RNF182: variants seen among roughly 807,000 people sequenced by gnomAD.
The protein encoded by RNF182 is ring finger protein 182.
RNF182 carries 15 observed loss-of-function variants against 14.4 expected under a neutral mutation model. That is an observed-to-expected ratio of 1.04 (90% CI 0.70 to 1.60). RNF182 has a LOEUF of 1.60. RNF182 is among the 40% of genes most tolerant of loss of function. The probability of loss-of-function intolerance (pLI) is 0.00; values close to 1 mark genes in which losing one functional copy is unlikely to be tolerated. For missense variants in RNF182, 268 were observed against 294.8 expected (o/e 0.91, Z 0.67); for synonymous variants, 128 against 122.9 (o/e 1.04, Z -0.27).
chr6:13,947,220 G>A (rs1759459427), intron 1 of RNF182, among the ~76,000 whole-genome samples: 1 of 152,104 alleles, frequency 6.6e-6, no homozygotes, highest in Non-Finnish European at 1.5e-5. Flanking sequence ...ATCACTGGTT[G>A]GTTCACAGGA....
intron 1 of RNF182, among the ~76,000 whole-genome samples, chr6:13,942,561 C>G (rs1308106291): frequency 1.3e-5 from 2 of 152,130 alleles, no homozygotes; most frequent in Non-Finnish European, 2.9e-5. Flanking sequence ...AGACTGATCT[C>G]AAACTCCTGT....
chr6:13,954,071 C>G lies in RNF182; in HGVS notation c.-366-20139C>G, dbSNP rs146361517. ...AAGTAGAGAAAATGATATAATGAAT[C>G]CCTTTTTACTTATCACTCAGCCTCA... On this transcript the variant is annotated intron_variant, in intron 1 of 2. Transcript: ENST00000488300. 1.1e-4 allele frequency among the ~76,000 whole-genome samples: 16 copies of G among 152,186 alleles called. No individual in the cohort carries two copies. In the East Asian group the frequency reaches 3.1e-3, roughly 29 times the overall value.
chr6:13,972,776 G>A (rs1004123497), intron 1 of RNF182, among the ~76,000 whole-genome samples: 3 of 152,156 alleles, frequency 2.0e-5, no homozygotes, highest in Non-Finnish European at 2.9e-5. Context: ...ATGCCTGGAC[G>A]TCCAGGCAGA....
chr6:13,939,570 GTCTC>G (rs1759234072), intron 1 of RNF182, among the ~76,000 whole-genome samples: 1 of 151,442 alleles, frequency 6.6e-6, no homozygotes, highest in Admixed American at 6.6e-5. Flanking sequence ...TTGAGACAGA[GTCTC>G]TCTCTGTTGC....
At position 13,974,318 on chromosome 6, in the gene RNF182, T is replaced by G. The variant is rs139763895; in HGVS notation, c.-258T>G. 4.6e-5 allele frequency: 7 copies of G among 152,286 alleles called. No individual in the cohort carries two copies. Among genetic ancestry groups the G allele is most frequent in the African/African-American group, 1.7e-4 (7 of 41,556 alleles). 9.4% of individuals were successfully genotyped at this position (152,286 alleles called of 1,614,324 possible). A position where few individuals can be genotyped will look rare whatever the true frequency, so the allele number is the denominator to read the frequency against. ...CTTAGAGGCAGGACTTGATGAAGGC[T>G]TTCCTGCTGATGGAATAGGTTTGCT... On this transcript the variant is annotated 5_prime_UTR_variant, in exon 2 of 3. Transcript: ENST00000488300.
chr6:13,937,771 T>C (rs1409781494), intron 1 of RNF182, among the ~76,000 whole-genome samples: 309 of 152,350 alleles, frequency 2.0e-3, no homozygotes, highest in African/African-American at 7.2e-3. Context: ...ATCGGCGACA[T>C]TCTCAACATC....
At chr6:13,937,247 T>C (rs1759135602) in intron 1 of RNF182, among the ~76,000 whole-genome samples, 1 of 152,230 alleles carries the variant, frequency 6.6e-6, no homozygotes, top group Admixed American at 6.5e-5. Flanking sequence ...CAAGTGAGTC[T>C]CCTGTGTAAC....
At chr6:13,931,854 G>T (rs997590949) in intron 1 of RNF182, among the ~76,000 whole-genome samples, 1 of 152,154 alleles carries the variant, frequency 6.6e-6, no homozygotes, top group African/African-American at 2.4e-5. Context: ...ATGGTATTAG[G>T]AGGTAGGGCC....
chr6:13,956,473 T>G (rs1295960589), intron 1 of RNF182, among the ~76,000 whole-genome samples: 1 of 151,976 alleles, frequency 6.6e-6, no homozygotes, highest in African/African-American at 2.4e-5. Context: ...TACAGATGCA[T>G]GCCACCACAC....
At chr6:13,940,716 T>C (rs1242651640) in intron 1 of RNF182, among the ~76,000 whole-genome samples, 1 of 152,146 alleles carries the variant, frequency 6.6e-6, no homozygotes, top group East Asian at 1.9e-4. Context: ...TTCTAACATA[T>C]GCATTCGAAG....
At chr6:13,957,756 T>C (rs868360332) in intron 1 of RNF182, among the ~76,000 whole-genome samples, 1 of 152,232 alleles carries the variant, frequency 6.6e-6, no homozygotes, top group African/African-American at 2.4e-5. Context: ...TACTGAGATA[T>C]TGTAGTGATA....
chr6:13,940,755 A>G (rs1044610807), intron 1 of RNF182, among the ~76,000 whole-genome samples: 1 of 152,104 alleles, frequency 6.6e-6, no homozygotes, highest in Non-Finnish European at 1.5e-5. Flanking sequence ...CATGGCTTTA[A>G]TAGTATGCTC....
At chr6:13,939,116 A>G (rs1332585963) in intron 1 of RNF182, among the ~76,000 whole-genome samples, 1 of 152,168 alleles carries the variant, frequency 6.6e-6, no homozygotes, top group East Asian at 1.9e-4. Context: ...TTTTACATTG[A>G]TGTAATCCTG....
At chr6:13,970,467 AT>A (rs1322205516) in intron 1 of RNF182, among the ~76,000 whole-genome samples, 1 of 152,090 alleles carries the variant, frequency 6.6e-6, no homozygotes, top group East Asian at 1.9e-4. Context: ...AGTAGTTCAC[AT>A]TTTTTTATCC....
chr6:13,973,287 C>G (rs1760240608), intron 1 of RNF182, among the ~76,000 whole-genome samples: 1 of 152,152 alleles, frequency 6.6e-6, no homozygotes, highest in Non-Finnish European at 1.5e-5. Flanking sequence ...GCAGATGGGA[C>G]TTGCCTTGTC....
intron 1 of RNF182, among the ~76,000 whole-genome samples, chr6:13,954,899 G>A (rs1455495510): frequency 3.9e-5 from 6 of 152,054 alleles, no homozygotes; most frequent in Admixed American, 2.6e-4. Context: ...GAAGGTGGAG[G>A]GGCTCTACGC....
chr6:13,952,138 G>A lies in RNF182; in HGVS notation c.-366-22072G>A, dbSNP rs146894582. ...GAGAGAGGAAAGGGAAGGGCGAAAA[G>A]CATTGTCTGTTGTGGGGCTGGGAGG... On this transcript the variant is annotated intron_variant, in intron 1 of 2. Transcript: ENST00000488300. Among the ~76,000 whole-genome samples the A allele has an allele frequency of 2.4e-3, 363 of 152,294 alleles. 1 individual carries two copies. Among genetic ancestry groups the A allele is most frequent in the African/African-American group, 8.1e-3 (338 of 41,558 alleles).
chr6:13,937,908 A>G (rs913424569), intron 1 of RNF182, among the ~76,000 whole-genome samples: 4 of 149,228 alleles, frequency 2.7e-5, no homozygotes, highest in African/African-American at 9.9e-5. Context: ...GATATTGAGC[A>G]TTTTTTCATG....
At chr6:13,942,591 C>G (rs1272690855) in intron 1 of RNF182, among the ~76,000 whole-genome samples, 1 of 152,180 alleles carries the variant, frequency 6.6e-6, no homozygotes, top group African/African-American at 2.4e-5. Context: ...ATCTACTTGC[C>G]TCAGCCTACC....
Sources: allele counts gnomAD v4.1 joint callset (sites outside exome capture counted in the v4.1 genomes callset), GRCh38; gene constraint gnomAD v4.1.1; transcripts MANE v1.5; gene names NCBI Gene and HGNC (gene_info 2026-07-23, HGNC 2026-07-21).